Variants in NAA35 observed in about 807,000 individuals in gnomAD.
NAA35 encodes MAK10 homolog, amino-acid N-acetyltransferase subunit.
In NAA35, 18 loss-of-function variants were observed where a neutral mutation model predicts 101.7. The ratio of observed to expected loss-of-function variants is 0.18; its 90% CI spans 0.12 to 0.26. The LOEUF (loss-of-function observed/expected upper bound fraction) is 0.26. Among genes scored for constraint, NAA35 ranks in the 10% least tolerant of loss-of-function variants. NAA35 has a pLI of 1.00. For missense variants in NAA35, 601 were observed against 886.8 expected, an observed-to-expected ratio of 0.68 and a Z score of 4.09; for synonymous variants, 267 against 273.1, an observed-to-expected ratio of 0.98 and a Z score of 0.22.
chr9:86,016,270 G>A (rs1177339598), intron 17 of NAA35, among the ~76,000 whole-genome samples: 1 of 152,036 alleles, frequency 6.6e-6, no homozygotes, highest in Admixed American at 6.6e-5. Flanking sequence ...ACTGAACTGT[G>A]TTCTGATATA....
At chr9:85,949,328 CTT>C (rs1828907170) in intron 2 of NAA35, among the ~76,000 whole-genome samples, 1 of 146,306 alleles carries the variant, frequency 6.8e-6, no homozygotes, top group Admixed American at 6.8e-5. Context: ...GAGTTTCACT[CTT>C]GTTGCCCATG....
intron 14 of NAA35, among the ~76,000 whole-genome samples, chr9:86,008,919 T>A (rs1351875744): frequency 6.6e-6 from 1 of 152,220 alleles, no homozygotes; most frequent in South Asian, 2.1e-4. Context: ...TTTAGTCAGA[T>A]CATTTGTCCC....
chr9:85,989,829 G>A (rs577099647), intron 11 of NAA35, among the ~76,000 whole-genome samples: 1 of 152,326 alleles, frequency 6.6e-6, no homozygotes, highest in African/African-American at 2.4e-5. Flanking sequence ...CCAAAGTCAG[G>A]AAGTAACGGG....
chr9:86,013,268 A>G lies in NAA35; in HGVS notation c.1389+124A>G, dbSNP rs1832038619. ...TTCAACATGATCCACTTTTCACTTA[A>G]AATATAACAGTTTCTTACACCAACG... On this transcript the variant is annotated intron_variant, in intron 16 of 22. Transcript: ENST00000361671. 11 of 532,170 alleles carry G rather than the reference A, an allele frequency of 2.1e-5. No homozygotes were observed. The South Asian group carries it at 5.8e-4, about 28-fold the overall frequency. 33.0% of individuals were successfully genotyped at this position (532,170 alleles called of 1,614,324 possible).
chr9:85,960,951 A>G (rs1587576000), intron 5 of NAA35, among the ~76,000 whole-genome samples: 2 of 152,210 alleles, frequency 1.3e-5, no homozygotes, highest in Admixed American at 1.3e-4. Flanking sequence ...GAAAATGTTC[A>G]TTTTGGAAAA....
chr9:85,953,309 A>G (rs1200293172), intron 2 of NAA35, among the ~76,000 whole-genome samples: 4 of 150,494 alleles, frequency 2.7e-5, no homozygotes, highest in Non-Finnish European at 5.9e-5. Context: ...TGCAAGCATC[A>G]CCACCATTCA....
In NAA35 at chr9:85,942,346, T is replaced by C. The variant is rs1368911013; in HGVS notation, c.124+63T>C. ...AAGGGGTAGAATGACGATTGTGCTT[T>C]CTAAACTTACCTCATTAGATGAAAT... On this transcript the variant is annotated intron_variant, in intron 2 of 22. Coordinates refer to ENST00000361671, the MANE Select transcript of NAA35 (RefSeq NM_024635.4). The C allele has an allele frequency of 3.8e-6, 6 of 1,577,990 alleles. No individual in the cohort carries two copies. The African/African-American group carries it at 8.2e-5, about 22-fold the overall frequency.
At chr9:86,019,494 A>G (rs775698964) in intron 21 of NAA35, among the ~76,000 whole-genome samples, 4 of 152,214 alleles carry the variant, frequency 2.6e-5, no homozygotes, top group Middle Eastern at 3.2e-3. Context: ...TAAGTCTTAC[A>G]TAAGTATGAA....
At position 86,013,926 on chromosome 9, in the gene NAA35, T is replaced by C. The variant is rs745852943; in HGVS notation, c.1568+29T>C. The C allele has an allele frequency of 2.6e-6, 4 of 1,530,842 alleles. No individual in the cohort carries two copies. The Admixed American group carries it at 5.1e-5, about 20-fold the overall frequency. The allele number at this position is 1,530,842 out of a possible 1,614,324, so 94.8% of individuals were successfully genotyped here. On this transcript the variant is annotated intron_variant, in intron 17 of 22. Transcript: ENST00000361671. ...AGAGCACAGTTTGAGTTAAAATTGGTGGTGGGTGCAATGGATAAGATCTGA... is the reference window on the plus strand; with the variant it reads ...AGAGCACAGTTTGAGTTAAAATTGGCGGTGGGTGCAATGGATAAGATCTGA...
At chr9:85,953,582 T>C (rs1246646366) in intron 2 of NAA35, among the ~76,000 whole-genome samples, 1 of 152,108 alleles carries the variant, frequency 6.6e-6, no homozygotes, top group African/African-American at 2.4e-5. Flanking sequence ...CCCACCACCA[T>C]GCCTGGCTAC....
rs1240962246 is a variant in NAA35 at position 86,017,518 on chromosome 9, A to G, written c.1726A>G (p.Ile576Val). Residue 576 changes from isoleucine (I) to valine (V), a missense_variant, in exon 19 of 23, where the codon ATC (isoleucine) becomes GTC (valine). By Grantham distance (29) the Ile-to-Val change is conservative. Transcript: ENST00000361671. The part of the protein sequence containing the change: ...KKKVRPLSRE[I>V]TMSQAYQNMC... ...TACAGTTCGCCCATTGAGCCGAGAG[A>G]TCACAATGAGCCAAGCATATCAGAA... The G allele has an allele frequency of 6.2e-7, 1 of 1,613,744 alleles. No homozygotes were observed. Among genetic ancestry groups the G allele is most frequent in the African/African-American group, 1.3e-5 (1 of 74,938 alleles).
chr9:85,970,638 A>G (rs976293786), intron 6 of NAA35, among the ~76,000 whole-genome samples: 1 of 152,204 alleles, frequency 6.6e-6, no homozygotes, highest in Non-Finnish European at 1.5e-5. Context: ...AGGCACACCC[A>G]TTACTGAGGG....
chr9:85,963,819 A>G (rs956428367), intron 6 of NAA35, among the ~76,000 whole-genome samples: 1 of 152,226 alleles, frequency 6.6e-6, no homozygotes, highest in Non-Finnish European at 1.5e-5. Context: ...GAACAAGGTG[A>G]TTAGCACCCT....
At chr9:85,987,579 C>T (rs977048765) in intron 11 of NAA35, among the ~76,000 whole-genome samples, 21 of 152,178 alleles carry the variant, frequency 1.4e-4, no homozygotes, top group Non-Finnish European at 1.0e-4. Flanking sequence ...TCCGTGCATA[C>T]CCACACATGT....
At chr9:85,957,238 A>G (rs1356293926) in intron 3 of NAA35, among the ~76,000 whole-genome samples, 1 of 152,232 alleles carries the variant, frequency 6.6e-6, no homozygotes, top group Non-Finnish European at 1.5e-5. Context: ...AAACTAGAGA[A>G]AAGAAAATGT....
At chr9:85,978,557 C>T (rs974439884) in intron 11 of NAA35, among the ~76,000 whole-genome samples, 176 bp downstream of exon 11, 3 of 152,128 alleles carry the variant, frequency 2.0e-5, no homozygotes, top group Non-Finnish European at 2.9e-5. Context: ...AAAAACAATA[C>T]TGTAGAACTT....
At chr9:85,955,424 G>A (rs1277262067) in intron 2 of NAA35, among the ~76,000 whole-genome samples, 10 of 137,222 alleles carry the variant, frequency 7.3e-5, no homozygotes, top group East Asian at 4.4e-4. Flanking sequence ...GTGCAGTGGC[G>A]TGATCTTGGC....
Position 85,956,407 on chromosome 9 carries a change from CT to C in NAA35, c.158+17del. 1 of 1,368,522 alleles carries C rather than the reference CT, an allele frequency of 7.3e-7. No homozygotes were observed. The highest frequency in any genetic ancestry group is 9.9e-7 in the Non-Finnish European group (1 of 1,013,806). The allele number at this position is 1,368,522 out of a possible 1,614,324, so 84.8% of individuals were successfully genotyped here. On this transcript the variant is annotated intron_variant, in intron 3 of 22. Transcript: ENST00000361671. The stretch of plus-strand genomic sequence containing the variant: ...TCATGATAAGCTGTAAGTATTTATC[CT>C]TTGAAAATAGTGTAGTGTAATGTTT...
chr9:85,973,270 T>C lies in NAA35; in HGVS notation c.517-1697T>C, dbSNP rs553453914. Among the ~76,000 whole-genome samples, 27 of 152,256 alleles carry C rather than the reference T, an allele frequency of 1.8e-4. No individual in the cohort carries two copies. The South Asian group carries it at 5.6e-3, about 32-fold the overall frequency. ...AGGGCCATAGAGGCCATGGTGGACT[T>C]AGGGATTTTGCTATGAGGTAGAAAA... On this transcript the variant is annotated intron_variant, in intron 6 of 22. Coordinates refer to ENST00000361671, the MANE Select transcript of NAA35 (RefSeq NM_024635.4).
Sources: gnomAD v4.1 joint callset for allele counts (sites outside exome capture counted in the v4.1 genomes callset) on GRCh38, gnomAD v4.1.1 for gene constraint, MANE v1.5 for transcripts, NCBI Gene and HGNC (gene_info 2026-07-23, HGNC 2026-07-21) for gene names.